Variants in DSCAML1 observed in about 807,000 individuals in gnomAD.
The protein encoded by DSCAML1 is DS cell adhesion molecule like 1, also known as cell adhesion molecule DSCAML1.
A neutral mutation model predicts 200.5 loss-of-function variants in DSCAML1; 38 were observed. That is an observed-to-expected ratio of 0.19 (90% CI 0.15 to 0.25). The LOEUF is 0.25. Among genes scored for constraint, DSCAML1 ranks in the 10% least tolerant of loss-of-function variants. The pLI, the probability that DSCAML1 is intolerant of heterozygous loss-of-function variation, is 1.00. For missense variants in DSCAML1, 2,223 were observed against 2,858.8 expected, an observed-to-expected ratio of 0.78 and a Z score of 5.07; for synonymous variants, 1,215 against 1,165.0, an observed-to-expected ratio of 1.04 and a Z score of -0.87.
intron 3 of DSCAML1, among the ~76,000 whole-genome samples, chr11:117,648,714 C>T (rs905297720): frequency 3.9e-5 from 6 of 152,224 alleles, no homozygotes; most frequent in Admixed American, 6.5e-5. Flanking sequence ...ACTCTGCCTC[C>T]TGGTAGCTGC....
chr11:117,562,938 T>G (rs560902541), intron 3 of DSCAML1, among the ~76,000 whole-genome samples: 99 of 152,296 alleles, frequency 6.5e-4, no homozygotes, highest in African/African-American at 2.4e-3. Context: ...CATATCTATT[T>G]TATAAGGATG....
At chr11:117,790,306 A>C (rs1013435522) in intron 1 of DSCAML1, among the ~76,000 whole-genome samples, 1 of 152,218 alleles carries the variant, frequency 6.6e-6, no homozygotes, top group Admixed American at 6.5e-5. Context: ...AGAACCTTGG[A>C]GGGGAATGGG....
At chr11:117,474,266 CT>C (rs532793794) in intron 14 of DSCAML1, among the ~76,000 whole-genome samples, 83 of 152,292 alleles carry the variant, frequency 5.5e-4, no homozygotes, top group South Asian at 3.7e-3. Flanking sequence ...TTGGACCTCT[CT>C]CCCTTCTTCA....
At chr11:117,639,456 G>GTGGGAGGCTGAATGGA (rs2052357794) in intron 3 of DSCAML1, among the ~76,000 whole-genome samples, 1 of 150,626 alleles carries the variant, frequency 6.6e-6, no homozygotes, top group Non-Finnish European at 1.5e-5. Context: ...GGCTGGATGG[G>GTGGGAGGCTGAATGGA]TGGGAGGCTG....
At chr11:117,493,199 A>G (rs2049221198) in intron 11 of DSCAML1, among the ~76,000 whole-genome samples, 2 of 152,204 alleles carry the variant, frequency 1.3e-5, no homozygotes, top group African/African-American at 4.8e-5. Flanking sequence ...TACTTTGTCC[A>G]GCTTTAAAAT....
At chr11:117,675,791 T>C (rs1224493406) in intron 3 of DSCAML1, among the ~76,000 whole-genome samples, 3 of 152,076 alleles carry the variant, frequency 2.0e-5, no homozygotes, top group South Asian at 2.1e-4. Flanking sequence ...TCATCCCTCA[T>C]CCACCAGCGG....
At chr11:117,733,388 G>A (rs1056219692) in intron 3 of DSCAML1, among the ~76,000 whole-genome samples, 7 of 152,162 alleles carry the variant, frequency 4.6e-5, no homozygotes, top group African/African-American at 1.7e-4. Flanking sequence ...GGTGAATGAT[G>A]TGCCTCTATC....
At chr11:117,623,182 G>A (rs1300091739) in intron 3 of DSCAML1, among the ~76,000 whole-genome samples, 5 of 150,684 alleles carry the variant, frequency 3.3e-5, no homozygotes, top group Non-Finnish European at 7.4e-5. Context: ...TGTCTAACAT[G>A]CTAAACTCTT....
intron 3 of DSCAML1, among the ~76,000 whole-genome samples, chr11:117,733,827 G>T (rs546854461): frequency 6.6e-6 from 1 of 151,816 alleles, no homozygotes; most frequent in African/African-American, 2.4e-5. Flanking sequence ...ATCTTCCTCT[G>T]GGCCTCAAAT....
At chr11:117,753,993 A>T (rs1422820127) in intron 3 of DSCAML1, among the ~76,000 whole-genome samples, 2 of 152,204 alleles carry the variant, frequency 1.3e-5, no homozygotes, top group Non-Finnish European at 1.5e-5. Flanking sequence ...CCTGAGGACA[A>T]GTAAGGGAGA....
Position 117,642,192 on chromosome 11 carries a change from A to G in DSCAML1, c.512-109670T>C, listed in dbSNP as rs1227659867. Among the ~76,000 whole-genome samples the G allele has an allele frequency of 1.3e-5, 2 of 152,306 alleles. No homozygotes were observed. Among genetic ancestry groups the G allele is most frequent in the East Asian group, 3.9e-4 (2 of 5,182 alleles). On this transcript the variant is annotated intron_variant, in intron 3 of 32. Transcript: ENST00000651296. This position sits in a 1 kb window ranked among gnomAD's most constrained non-coding sequence, Gnocchi z 4.1. ...GCCTAAAGAGCAGACGGCATGACTT[A>G]GGCTCCTGCGGTATCTGAGTCTCTA...
chr11:117,543,801 G>GC (rs149411930), intron 3 of DSCAML1, among the ~76,000 whole-genome samples: 1 of 146,640 alleles, frequency 6.8e-6, no homozygotes, highest in East Asian at 2.0e-4. Context: ...TTATAGGGCA[G>GC]TTTTTTTTTT....
chr11:117,498,611 C>T lies in DSCAML1; in HGVS notation c.2359+5234G>A, dbSNP rs1429438362. Among the ~76,000 whole-genome samples the T allele has an allele frequency of 1.3e-5, 2 of 152,136 alleles. No homozygotes were observed. The highest frequency in any genetic ancestry group is 1.5e-5 in the Non-Finnish European group (1 of 68,022). On this transcript the variant is annotated intron_variant, in intron 11 of 32. Transcript: ENST00000651296. This position sits in a 1 kb window ranked among gnomAD's most constrained non-coding sequence, Gnocchi z 4.0. ...TGAAATGAGGACCATCTTGGATCTC[C>T]AGACGCACTTTTCCAAAGTTTTGCA...
At chr11:117,435,872 G>T in intron 26 of DSCAML1, 73 bp from the exon 27 acceptor site, 1 of 1,507,656 alleles carries the variant, frequency 6.6e-7, no homozygotes. Flanking sequence ...TCATGGGTGG[G>T]GCAGTCCTCT....
rs1398666921 is a variant in DSCAML1, at chr11:117,780,266, AAG to A, written c.364+225_364+226del. 2.3e-4 allele frequency among the ~76,000 whole-genome samples: 22 copies of A among 94,866 alleles called. 1 individual carries two copies. The highest frequency in any genetic ancestry group is 1.8e-3 in the Admixed American group (17 of 9,618). The allele number at this position is 94,866 out of a possible 152,430, so 62.2% of individuals were successfully genotyped here. On this transcript the variant is annotated intron_variant, in intron 2 of 32. Coordinates refer to ENST00000651296, the MANE Select transcript of DSCAML1 (RefSeq NM_020693.4). The surrounding 1 kb of genome is among the most constrained non-coding windows in gnomAD (Gnocchi z 4.8). Reference sequence around the variant, plus strand: ...AAAGAAAGAAAGAAAGAAAGAAAGAAAGAAAGAAAGAAAGAAAGAAAGAAAGA... The same window carrying A: ...AAAGAAAGAAAGAAAGAAAGAAAGAAAAAGAAAGAAAGAAAGAAAGAAAGA...
At chr11:117,726,186 C>T (rs1174561547) in intron 3 of DSCAML1, among the ~76,000 whole-genome samples, 1 of 152,070 alleles carries the variant, frequency 6.6e-6, no homozygotes, top group African/African-American at 2.4e-5. Context: ...GCCTCAGTTT[C>T]CTCATCTAGA....
chr11:117,726,524 G>A (rs1376100871), intron 3 of DSCAML1, among the ~76,000 whole-genome samples: 1 of 152,156 alleles, frequency 6.6e-6, no homozygotes, highest in African/African-American at 2.4e-5. Flanking sequence ...TGCTGTCTCT[G>A]TTTGGAAAGG....
At chr11:117,758,771 A>G (rs929431978) in intron 3 of DSCAML1, among the ~76,000 whole-genome samples, 6 of 152,066 alleles carry the variant, frequency 3.9e-5, no homozygotes, top group African/African-American at 1.4e-4. Context: ...GACATCTGAG[A>G]CTTCAGATAC....
chr11:117,795,312 G>C (rs889791965), intron 1 of DSCAML1, among the ~76,000 whole-genome samples: 1 of 152,134 alleles, frequency 6.6e-6, no homozygotes, highest in East Asian at 1.9e-4. Flanking sequence ...AAGGGGATGG[G>C]GGTTGGAGAG....
Sources: allele counts gnomAD v4.1 joint callset (sites outside exome capture counted in the v4.1 genomes callset), GRCh38; gene constraint gnomAD v4.1.1; non-coding constraint Gnocchi (gnomAD v3.1); transcripts MANE v1.5; gene names NCBI Gene and HGNC (gene_info 2026-07-23, HGNC 2026-07-21).